Variants in GCN1 observed in about 807,000 individuals in gnomAD.
GCN1 encodes the protein GCN1 activator of EIF2AK4, also known as stalled ribosome sensor GCN1.
GCN1 carries 90 observed loss-of-function variants against 288.4 expected under a neutral mutation model. The observed-to-expected ratio is 0.31, with a 90% CI of 0.26 to 0.37. The LOEUF (loss-of-function observed/expected upper bound fraction) is 0.37. GCN1 is among the 10% of genes least tolerant of loss of function. The probability of loss-of-function intolerance (pLI) is 1.00; values close to 1 mark genes in which losing one functional copy is unlikely to be tolerated. For synonymous variants in GCN1, 1,386 were observed against 1,420.2 expected (o/e 0.98, Z 0.54); for missense variants, 2,586 against 3,419.9 (o/e 0.76, Z 6.08).
chr12:120,140,979 C>A lies in GCN1; in HGVS notation c.5874G>T (p.Glu1958Asp). 1 of 1,613,998 alleles carries A rather than the reference C, an allele frequency of 6.2e-7. No homozygotes were observed. The highest frequency in any genetic ancestry group is 1.1e-5 in the South Asian group (1 of 91,060). Residue 1958 changes from glutamate (E) to aspartate (D), a missense_variant, in exon 45 of 58, where the codon GAG (glutamate) becomes GAT (aspartate). By Grantham distance (45) the Glu-to-Asp change is conservative. This residue lies in a region of GCN1 where 437 missense variants were observed against 570.5 expected (regional missense o/e 0.77). Coordinates refer to ENST00000300648, the MANE Select transcript of GCN1 (RefSeq NM_006836.2). ...TGGGGATGATCTCGGGGAGGATTTT[C>A]TCCCCTAACTTCCGCACAAGATCTC... ...TLGDLVRKLG[E>D]KILPEIIPIL...
Position 120,129,467 on chromosome 12 carries a change from T to C in GCN1, c.7699A>G (p.Arg2567Gly). 1 of 1,613,790 alleles carries C rather than the reference T, an allele frequency of 6.2e-7. No homozygotes were observed. The highest frequency in any genetic ancestry group is 8.5e-7 in the Non-Finnish European group (1 of 1,179,694). ...KCLQNPSSDI[R>G]LVAEKMIWWA... ...CAGATCATCTTCTCAGCCACCAGCC[T>C]GATGTCGCTGGATGGGTTCTGCAGA... The change falls in exon 57 of 58, where the codon AGG (arginine) becomes GGG (glycine). Residue 2567 changes from arginine to glycine, a missense_variant. Physicochemically the swap from Arg to Gly is moderately radical, Grantham distance 125. Around this residue, in one of 8 missense-constraint regions of GCN1, gnomAD observed 355 missense variants for 431.1 expected, o/e 0.82. Coordinates refer to ENST00000300648, the MANE Select transcript of GCN1 (RefSeq NM_006836.2).
At chr12:120,169,276 C>CAAAAAAAAAAAAAAA (rs35819206) in intron 15 of GCN1, among the ~76,000 whole-genome samples, 32 of 66,458 alleles carry the variant, frequency 4.8e-4, no homozygotes, top group Admixed American at 7.9e-4. Flanking sequence ...AACTCCGTCT[C>CAAAAAAAAAAAAAAA]AAAAAAAAAA....
chr12:120,143,083 A>G (rs566277534), intron 42 of GCN1, 142 bp from the exon 43 acceptor site: 13 of 549,916 alleles, frequency 2.4e-5, no homozygotes, highest in African/African-American at 1.5e-4. Context: ...GGTGGTTTAC[A>G]TTTCTTTACA....
chr12:120,178,196 A>G (rs1487479680), intron 7 of GCN1, among the ~76,000 whole-genome samples: 2 of 152,162 alleles, frequency 1.3e-5, no homozygotes, highest in Admixed American at 6.5e-5. Flanking sequence ...TCCGTTGTGG[A>G]GTCTCACGAC....
At position 120,137,034 on chromosome 12, in the gene GCN1, T is replaced by C. The variant is rs1304270677; in HGVS notation, c.6777+172A>G. ...CTTAAACCAAAGGCAGCATGAACCC[T>C]GTCCCCATCTGACTGCCATGGAAGA... On this transcript the variant is annotated intron_variant, in intron 50 of 57. Coordinates refer to ENST00000300648, the MANE Select transcript of GCN1 (RefSeq NM_006836.2). The surrounding 1 kb of genome is among the most constrained non-coding windows in gnomAD (Gnocchi z 5.2). Among the ~76,000 whole-genome samples, 1 of 152,218 alleles carries C rather than the reference T, an allele frequency of 6.6e-6. No homozygotes were observed. The highest frequency in any genetic ancestry group is 2.4e-5 in the African/African-American group (1 of 41,464).
Position 120,153,282 on chromosome 12 carries a change from G to C in GCN1, c.3993C>G (p.Asp1331Glu). 1 of 1,614,218 alleles carries C rather than the reference G, an allele frequency of 6.2e-7. No homozygotes were observed. Residue 1331 changes from aspartate to glutamate, a missense_variant, in exon 33 of 58, where the codon GAC (aspartate) becomes GAG (glutamate). Transcript: ENST00000300648. This position sits in a 1 kb window ranked among gnomAD's most constrained non-coding sequence, Gnocchi z 4.4. ...VLMGSLAKHLDKSDPKVKPIV... is the reference protein window; with the variant it reads ...VLMGSLAKHLEKSDPKVKPIV... The stretch of plus-strand genomic sequence containing the variant: ...TGGGCTTCACTTTGGGGTCACTCTT[G>C]TCCAGGTGCTTGGCCAGAGAGCCCA...
intron 16 of GCN1, 52 bp from the exon 17 acceptor site, chr12:120,164,773 C>T: frequency 8.9e-7 from 1 of 1,129,270 alleles, no homozygotes; most frequent in Non-Finnish European, 1.3e-6. Context: ...TAAGTGTACA[C>T]ATACATACCA....
At chr12:120,128,626 C>T (rs549740738) in intron 57 of GCN1, among the ~76,000 whole-genome samples, 2 of 152,184 alleles carry the variant, frequency 1.3e-5, no homozygotes, top group East Asian at 3.9e-4. Flanking sequence ...CGTGAGCCAC[C>T]GCGGCTGGCC....
chr12:120,187,013 G>A lies in GCN1; in HGVS notation c.122-2126C>T, dbSNP rs549390988. Among the ~76,000 whole-genome samples, 6 of 152,244 alleles carry A rather than the reference G, an allele frequency of 3.9e-5. No homozygotes were observed. In the East Asian group the frequency reaches 1.2e-3, roughly 29 times the overall value. ...GGAAAGTGACCAGAAAAACCGTCGA[G>A]GATGCCATAAAACTCATACATTGAA... On this transcript the variant is annotated intron_variant, in intron 2 of 57. Coordinates refer to ENST00000300648, the MANE Select transcript of GCN1 (RefSeq NM_006836.2).
intron 44 of GCN1, among the ~76,000 whole-genome samples, chr12:120,141,471 T>C (rs1339510352): frequency 6.6e-6 from 1 of 151,948 alleles, no homozygotes; most frequent in Non-Finnish European, 1.5e-5. Flanking sequence ...GGATGGGGGG[T>C]TGGAAGTAGA....
chr12:120,190,121 G>A (rs1392876885), intron 2 of GCN1, among the ~76,000 whole-genome samples, 177 bp downstream of exon 2: 1 of 151,856 alleles, frequency 6.6e-6, no homozygotes, highest in South Asian at 2.1e-4. Flanking sequence ...CTACTCGGGA[G>A]GCTGAGGGCA....
intron 56 of GCN1, among the ~76,000 whole-genome samples, chr12:120,130,232 C>T (rs904087797): frequency 6.6e-6 from 1 of 152,194 alleles, no homozygotes; most frequent in African/African-American, 2.4e-5. Context: ...CTGGCACATT[C>T]CTTGGCTTTC....
chr12:120,154,252 T>C (rs1451187243), intron 31 of GCN1, among the ~76,000 whole-genome samples: 2 of 152,212 alleles, frequency 1.3e-5, no homozygotes, highest in Non-Finnish European at 2.9e-5. Context: ...TAGAGGCCTG[T>C]GGAAGTGAAC....
intron 31 of GCN1, among the ~76,000 whole-genome samples, chr12:120,154,127 C>T (rs1329544405): frequency 6.6e-6 from 1 of 152,252 alleles, no homozygotes. Context: ...GATTTTACCT[C>T]CTACTGGGTG....
At chr12:120,138,605 C>G (rs1877087269) in intron 46 of GCN1, 90 bp downstream of exon 46, 4 of 1,369,554 alleles carry the variant, frequency 2.9e-6, no homozygotes, top group African/African-American at 1.4e-5. Flanking sequence ...CACATTGCGA[C>G]TGCCTTGGCA....
chr12:120,188,786 G>A (rs561247280), intron 2 of GCN1, among the ~76,000 whole-genome samples: 7 of 150,130 alleles, frequency 4.7e-5, no homozygotes, highest in Admixed American at 1.3e-4. Context: ...GAAGCAGAGC[G>A]TGCAGTGAGC....
intron 37 of GCN1, 38 bp from the exon 38 acceptor site, chr12:120,147,310 T>TCCAG: frequency 8.1e-7 from 1 of 1,232,490 alleles, no homozygotes; most frequent in Non-Finnish European, 1.1e-6. Context: ...ATGATATACA[T>TCCAG]CTATGCAGCT....
intron 55 of GCN1, among the ~76,000 whole-genome samples, 173 bp from the exon 56 acceptor site, chr12:120,130,926 A>G (rs546479472): frequency 6.6e-6 from 1 of 152,242 alleles, no homozygotes; most frequent in African/African-American, 2.4e-5. Context: ...GAGTACAGTC[A>G]CTGGTTCCCA....
chr12:120,152,212 A>G (rs1163888473), intron 33 of GCN1, among the ~76,000 whole-genome samples: 1 of 151,804 alleles, frequency 6.6e-6, no homozygotes, highest in Non-Finnish European at 1.5e-5. Flanking sequence ...AAGTTTTTGT[A>G]GAGACAGGAT....
Sources: allele counts gnomAD v4.1 joint callset (sites outside exome capture counted in the v4.1 genomes callset), GRCh38; gene constraint gnomAD v4.1.1; regional missense constraint gnomAD v4.1.1; non-coding constraint Gnocchi (gnomAD v3.1); transcripts MANE v1.5; gene names NCBI Gene and HGNC (gene_info 2026-07-23, HGNC 2026-07-21).